The following KCNN2 variants were observed in gnomAD, a reference collection of about 807,000 sequenced individuals.
The protein encoded by KCNN2 is small conductance calcium-activated potassium channel protein 2.
A neutral mutation model predicts 55.5 loss-of-function variants in KCNN2; 24 were observed. That is an observed-to-expected ratio of 0.43 (90% confidence interval 0.31 to 0.61). KCNN2 has a LOEUF of 0.61. Ranked by LOEUF, KCNN2 falls within the 20% of genes least tolerant of loss-of-function variation. The pLI is 0.08. For synonymous variants in KCNN2, 431 were observed against 336.1 expected, an observed-to-expected ratio of 1.28 and a Z score of -3.09; for missense variants, 754 against 853.6, an observed-to-expected ratio of 0.88 and a Z score of 1.45.
At chr5:114,434,382 C>A (rs1006376597) in intron 3 of KCNN2, among the ~76,000 whole-genome samples, 4 of 152,256 alleles carry the variant, frequency 2.6e-5, no homozygotes, top group Non-Finnish European at 5.9e-5. Context: ...TTCTTGCGTG[C>A]TGCCTCTTTT....
chr5:114,056,437 G>C lies in KCNN2; in HGVS notation c.-334G>C, dbSNP rs947861316. The C allele has an allele frequency of 6.8e-5, 27 of 398,494 alleles. No individual in the cohort carries two copies. In the Admixed American group the frequency reaches 8.8e-4, roughly 13 times the overall value. 24.7% of individuals were successfully genotyped at this position (398,494 alleles called of 1,614,324 possible). On this transcript the variant is annotated 5_prime_UTR_variant, in exon 1 of 11. Coordinates refer to the KCNN2 transcript ENST00000512097. ...TCCACTGGCGCATTTCACCAAGGCC[G>C]CATTTACCGCTTTGAGGCAAATTTG... is the stretch of plus-strand genomic sequence containing the variant.
At chr5:114,295,509 C>T (rs867082282) in intron 2 of KCNN2, among the ~76,000 whole-genome samples, 38 of 152,282 alleles carry the variant, frequency 2.5e-4, no homozygotes, top group African/African-American at 7.5e-4. Flanking sequence ...GAGCCATGTG[C>T]GGGATATAAT....
chr5:114,459,657 A>G (rs957386878), intron 3 of KCNN2, among the ~76,000 whole-genome samples: 1 of 152,158 alleles, frequency 6.6e-6, no homozygotes, highest in African/African-American at 2.4e-5. Flanking sequence ...CAACATAAAC[A>G]TTAGTATGAG....
intron 3 of KCNN2, among the ~76,000 whole-genome samples, chr5:114,454,910 G>A (rs1424320648): frequency 6.6e-6 from 1 of 152,218 alleles, no homozygotes; most frequent in African/African-American, 2.4e-5. Context: ...GGGGTACACA[G>A]ACCATTTATA....
intron 2 of KCNN2, among the ~76,000 whole-genome samples, chr5:114,262,805 C>G (rs1222498211): frequency 6.6e-6 from 1 of 152,120 alleles, no homozygotes; most frequent in Non-Finnish European, 1.5e-5. Context: ...TAACTATCAA[C>G]CAGCTGTATG....
chr5:114,326,134 C>T (rs905216496), intron 2 of KCNN2, among the ~76,000 whole-genome samples: 3 of 151,990 alleles, frequency 2.0e-5, no homozygotes, highest in African/African-American at 4.8e-5. Context: ...ATTGCAGGCA[C>T]GTGTGTGTGA....
At chr5:114,219,308 G>A (rs1360311574) in intron 1 of KCNN2, among the ~76,000 whole-genome samples, 1 of 152,228 alleles carries the variant, frequency 6.6e-6, no homozygotes, top group Non-Finnish European at 1.5e-5. Flanking sequence ...CAGTGTGACA[G>A]CCTTTTGTAT....
At chr5:114,417,006 C>A (rs570097593) in intron 3 of KCNN2, among the ~76,000 whole-genome samples, 1 of 152,254 alleles carries the variant, frequency 6.6e-6, no homozygotes, top group East Asian at 1.9e-4. Context: ...TGTTTTTGAA[C>A]AAAACTGGGT....
At position 114,244,557 on chromosome 5, in the gene KCNN2, A is replaced by G. The variant is rs969440518; in HGVS notation, c.-185+22992A>G. Among the ~76,000 whole-genome samples the G allele has an allele frequency of 8.7e-5, 13 of 148,654 alleles. No homozygotes were observed. In the South Asian group the frequency reaches 2.3e-3, roughly 26 times the overall value. ...GGTTACAGCGAGCCGAGATCGCGCC[A>G]TTGCACTCCAGCCTGGGCAATAAGA... is the stretch of plus-strand genomic sequence containing the variant. On this transcript the variant is annotated intron_variant, in intron 2 of 10. Coordinates refer to the KCNN2 transcript ENST00000512097.
chr5:114,277,286 A>C (rs1342037528), intron 2 of KCNN2, among the ~76,000 whole-genome samples: 4 of 152,016 alleles, frequency 2.6e-5, no homozygotes, highest in Non-Finnish European at 5.9e-5. Context: ...CCTTCATTTC[A>C]ACCTTGGTGA....
intron 1 of KCNN2, among the ~76,000 whole-genome samples, chr5:114,066,806 C>T (rs1355873853): frequency 6.6e-6 from 1 of 152,150 alleles, no homozygotes; most frequent in Non-Finnish European, 1.5e-5. Flanking sequence ...GTCTCAATCT[C>T]TTGACCTCGT....
chr5:114,079,229 T>C lies in KCNN2; in HGVS notation c.-271+22729T>C, dbSNP rs75071785. ...AGAGAAAGAGACTTTTAATGATTTTTGCAATTCAGACAATCTAGCAGAATT... is the reference window on the plus strand; with the variant it reads ...AGAGAAAGAGACTTTTAATGATTTTCGCAATTCAGACAATCTAGCAGAATT... On this transcript the variant is annotated intron_variant, in intron 1 of 10. Coordinates refer to the KCNN2 transcript ENST00000512097. Among the ~76,000 whole-genome samples, 24 of 152,296 alleles carry C rather than the reference T, an allele frequency of 1.6e-4. 1 individual carries two copies. The highest frequency in any genetic ancestry group is 5.8e-4 in the African/African-American group (24 of 41,576).
At chr5:114,264,776 C>G (rs537523455) in intron 2 of KCNN2, among the ~76,000 whole-genome samples, 3 of 152,180 alleles carry the variant, frequency 2.0e-5, no homozygotes, top group Non-Finnish European at 2.9e-5. Flanking sequence ...AATGCCCCCC[C>G]AGGGCAGCAT....
intron 1 of KCNN2, among the ~76,000 whole-genome samples, chr5:114,170,565 C>T (rs968189634): frequency 6.6e-6 from 1 of 151,878 alleles, no homozygotes; most frequent in Admixed American, 6.6e-5. Flanking sequence ...AAGTTGGGGC[C>T]GCCATGTTTT....
intron 2 of KCNN2, among the ~76,000 whole-genome samples, chr5:114,353,409 T>C (rs168110): frequency 0.45 from 68,945 of 151,640 alleles, 16,354 homozygotes; most frequent in East Asian, 0.86. Flanking sequence ...TCAAATGTGT[T>C]AAATTTCTAT....
intron 2 of KCNN2, among the ~76,000 whole-genome samples, chr5:114,312,430 CACACATATATATATATATATATAT>C (rs1290520585): frequency 4.0e-3 from 88 of 21,746 alleles, no homozygotes; most frequent in East Asian, 0.033. Context: ...CACACACACA[CACACATATATATATATATATATAT>C]ATATATATAT....
intron 1 of KCNN2, among the ~76,000 whole-genome samples, chr5:114,084,812 C>G (rs1304077648): frequency 6.6e-6 from 1 of 151,858 alleles, no homozygotes; most frequent in Non-Finnish European, 1.5e-5. Flanking sequence ...ACAACTAGGT[C>G]TATGATTCAA....
chr5:114,151,819 A>G (rs116234381), intron 1 of KCNN2, among the ~76,000 whole-genome samples: 3,033 of 152,258 alleles, frequency 0.02, 50 homozygotes, highest in Non-Finnish European at 0.029. Context: ...AAATCTCTCC[A>G]TGGTACTATA....
intron 2 of KCNN2, among the ~76,000 whole-genome samples, chr5:114,273,505 T>C (rs1755415597): frequency 1.3e-5 from 2 of 152,178 alleles, no homozygotes; most frequent in Admixed American, 6.5e-5. Flanking sequence ...CCATATCCTC[T>C]CCAGCATCTA....
Sources: gnomAD v4.1 joint callset for allele counts (sites outside exome capture counted in the v4.1 genomes callset) on GRCh38, gnomAD v4.1.1 for gene constraint, MANE v1.5 for transcripts, NCBI Gene and HGNC (gene_info 2026-07-23, HGNC 2026-07-21) for gene names.